Variants in TMEM273 observed in about 807,000 individuals in gnomAD.
TMEM273 encodes transmembrane protein 273.
TMEM273 carries 19 observed loss-of-function variants against 17.9 expected under a neutral mutation model. The observed-to-expected ratio is 1.06, with a 90% CI of 0.74 to 1.55. The LOEUF (loss-of-function observed/expected upper bound fraction) is 1.55. Among genes scored for constraint, TMEM273 ranks in the 40% most tolerant of loss-of-function variants. The pLI, the probability that TMEM273 is intolerant of heterozygous loss-of-function variation, is 0.00. For missense variants in TMEM273, 194 were observed against 155.6 expected (o/e 1.25, Z -1.31); for synonymous variants, 66 against 62.0 (o/e 1.07, Z -0.31).
At position 49,186,097 on chromosome 10, in the gene TMEM273, A is replaced by AAGAAGAAGG. The variant is rs1554850129; in HGVS notation, c.43+2196_43+2197insCCTTCTTCT. On this transcript the variant is annotated intron_variant, in intron 1 of 6. Transcript: ENST00000374153. The stretch of plus-strand genomic sequence containing the variant: ...GAAGAAGAAGAAGAAGAAGAAGAAG[A>AAGAAGAAGG]AGAAGAAGAAGAGGAAGAAGAAGAA... Among the ~76,000 whole-genome samples, 325 of 117,012 alleles carry AAGAAGAAGG rather than the reference A, an allele frequency of 2.8e-3. 4 individuals carry two copies. The highest frequency in any genetic ancestry group is 0.017 in the Middle Eastern group (3 of 180). The allele number at this position is 117,012 out of a possible 152,430, so 76.8% of individuals were successfully genotyped here. A position where few individuals can be genotyped will look rare whatever the true frequency, so the allele number is the denominator to read the frequency against.
chr10:49,169,043 T>A (rs963376628), intron 1 of TMEM273, among the ~76,000 whole-genome samples: 3 of 152,200 alleles, frequency 2.0e-5, no homozygotes, highest in African/African-American at 7.2e-5. Context: ...AGAGCCAAGA[T>A]AAGTGGGAAG....
rs542086384 is a variant in TMEM273, at chr10:49,187,243, G to A, written c.43+1051C>T. On this transcript the variant is annotated intron_variant, in intron 1 of 6. Coordinates refer to ENST00000374153, the MANE Select transcript of TMEM273 (RefSeq NM_001288740.3). Reference sequence around the variant, plus strand: ...ACATCCCTTCACAGTCACTGCCAACGGCCCGTTTCCATGTGTAAACTGATG... The same window carrying A: ...ACATCCCTTCACAGTCACTGCCAACAGCCCGTTTCCATGTGTAAACTGATG... Among the ~76,000 whole-genome samples, 183 of 152,242 alleles carry A rather than the reference G, an allele frequency of 1.2e-3. 2 individuals are homozygous for A. The highest frequency in any genetic ancestry group is 0.01 in the Admixed American group (157 of 15,292).
intron 1 of TMEM273, among the ~76,000 whole-genome samples, chr10:49,185,378 G>A (rs1010641177): frequency 3.3e-5 from 5 of 152,048 alleles, no homozygotes; most frequent in Admixed American, 6.6e-5. Context: ...CAGAGGGACT[G>A]GACAGAGAGT....
At chr10:49,181,330 G>A (rs188476311) in intron 1 of TMEM273, among the ~76,000 whole-genome samples, 1 of 152,290 alleles carries the variant, frequency 6.6e-6, no homozygotes, top group Admixed American at 6.5e-5. Context: ...CAAAAGCCCA[G>A]CAAGACTGTT....
intron 6 of TMEM273, among the ~76,000 whole-genome samples, chr10:49,159,733 G>GAC (rs535404324): frequency 1.6e-3 from 137 of 83,840 alleles, no homozygotes; most frequent in African/African-American, 5.6e-3. Flanking sequence ...CAGAGAGAGT[G>GAC]AGAGAGAGAC....
chr10:49,166,403 G>A (rs1340762108), intron 3 of TMEM273: 1 of 218,398 alleles, frequency 4.6e-6, no homozygotes, highest in African/African-American at 2.3e-5. Context: ...CAAAGGCAGT[G>A]TCAACAGAAC....
intron 6 of TMEM273, among the ~76,000 whole-genome samples, chr10:49,156,803 G>A (rs775689604): frequency 1.3e-5 from 2 of 152,190 alleles, no homozygotes; most frequent in African/African-American, 4.8e-5. Flanking sequence ...AAGGACACAC[G>A]TAATGGTCAG....
intron 1 of TMEM273, among the ~76,000 whole-genome samples, chr10:49,173,866 G>A (rs1252235273): frequency 2.6e-5 from 4 of 152,190 alleles, no homozygotes; most frequent in Non-Finnish European, 5.9e-5. Flanking sequence ...AGACAAGGGG[G>A]GGCGATAGCG....
chr10:49,182,853 C>T (rs567428284), intron 1 of TMEM273, among the ~76,000 whole-genome samples: 58 of 152,142 alleles, frequency 3.8e-4, no homozygotes, highest in African/African-American at 1.3e-3. Context: ...TCAGGCATCC[C>T]GTGCCTCTAA....
intron 1 of TMEM273, among the ~76,000 whole-genome samples, chr10:49,168,754 G>A (rs1846365444): frequency 6.6e-6 from 1 of 151,858 alleles, no homozygotes; most frequent in African/African-American, 2.4e-5. Context: ...AGGAAAGAGA[G>A]CATGCTGTAA....
intron 6 of TMEM273, among the ~76,000 whole-genome samples, chr10:49,157,188 G>T (rs564252877): frequency 1.2e-3 from 190 of 152,350 alleles, no homozygotes; most frequent in African/African-American, 4.1e-3. Flanking sequence ...ACCCCTGGCT[G>T]CCCTGAGCAG....
At chr10:49,157,536 A>G (rs78220175) in intron 6 of TMEM273, among the ~76,000 whole-genome samples, 5,362 of 152,358 alleles carry the variant, frequency 0.035, 130 homozygotes, top group Non-Finnish European at 0.052. Context: ...AGTAAAACTA[A>G]TAATGAGGAT....
Position 49,187,457 on chromosome 10 carries a change from G to A in TMEM273, c.43+837C>T, listed in dbSNP as rs554068711. Among the ~76,000 whole-genome samples, 97 of 152,264 alleles carry A rather than the reference G, an allele frequency of 6.4e-4. 1 individual carries two copies. The highest frequency in any genetic ancestry group is 2.2e-3 in the African/African-American group (92 of 41,540). On this transcript the variant is annotated intron_variant, in intron 1 of 6. Coordinates refer to ENST00000374153, the MANE Select transcript of TMEM273 (RefSeq NM_001288740.3). ...GACAGACTGCTTCCCATTGAGTCTC[G>A]GCCCAGTGCAAGTTCTGGGAAGGAA... is the stretch of plus-strand genomic sequence containing the variant.
intron 1 of TMEM273, among the ~76,000 whole-genome samples, chr10:49,175,009 C>T (rs1422011593): frequency 6.6e-6 from 1 of 151,836 alleles, no homozygotes; most frequent in East Asian, 1.9e-4. Flanking sequence ...CCGGAGAGAT[C>T]ATTATTTAAA....
At chr10:49,178,350 CAA>C in intron 1 of TMEM273, 2 of 455,636 alleles carry the variant, frequency 4.4e-6, no homozygotes, top group Non-Finnish European at 8.8e-6. Context: ...TTGACTCAAA[CAA>C]GTGCTAATTA....
chr10:49,177,745 CT>C (rs1345267043), intron 1 of TMEM273, among the ~76,000 whole-genome samples: 2 of 152,226 alleles, frequency 1.3e-5, no homozygotes, highest in African/African-American at 4.8e-5. Flanking sequence ...TTCTTTAGGA[CT>C]CTAGGGTTAG....
intron 2 of TMEM273, among the ~76,000 whole-genome samples, chr10:49,167,550 C>A (rs1441408617): frequency 2.6e-5 from 4 of 152,212 alleles, no homozygotes; most frequent in Admixed American, 2.6e-4. Flanking sequence ...GCAGATGAGG[C>A]CCTTAAGGGG....
chr10:49,179,316 G>T lies in TMEM273; in HGVS notation c.43+8978C>A, dbSNP rs12262483. On this transcript the variant is annotated intron_variant, in intron 1 of 6. Transcript: ENST00000374153. ...GCCTGTGGGGCTCGGCTTTATAGCC[G>T]CCCAGCTGTGGCCCTCATCAGGGAT... Among the ~76,000 whole-genome samples, 1,369 of 152,306 alleles carry T rather than the reference G, an allele frequency of 9.0e-3. 19 individuals are homozygous for T. Among genetic ancestry groups the T allele is most frequent in the African/African-American group, 0.03 (1,239 of 41,556 alleles).
chr10:49,186,110 G>A (rs12247527), intron 1 of TMEM273, among the ~76,000 whole-genome samples: 8,174 of 81,584 alleles, frequency 0.1, 341 homozygotes, highest in African/African-American at 0.15. Flanking sequence ...AAGAAGAAGA[G>A]GAAGAAGAAG....
Sources: allele counts gnomAD v4.1 joint callset (sites outside exome capture counted in the v4.1 genomes callset), GRCh38; gene constraint gnomAD v4.1.1; transcripts MANE v1.5; gene names NCBI Gene and HGNC (gene_info 2026-07-23, HGNC 2026-07-21).